VPS13B: variants seen among roughly 807,000 people sequenced by gnomAD.
The protein encoded by VPS13B is intermembrane lipid transfer protein VPS13B.
In VPS13B, 285 loss-of-function variants were observed where a neutral mutation model predicts 426.4. That is an observed-to-expected ratio of 0.67 (90% CI 0.61 to 0.74). VPS13B has a LOEUF of 0.74. VPS13B is among the 30% of genes least tolerant of loss of function. The probability of loss-of-function intolerance (pLI) is 0.00; values close to 1 mark genes in which losing one functional copy is unlikely to be tolerated. For missense variants in VPS13B, 4,537 were observed against 4,782.6 expected (o/e 0.95, Z 1.51); for synonymous variants, 1,676 against 1,676.4 (o/e 1.00, Z 0.01).
chr8:99,489,757 T>A (rs1249166850), intron 25 of VPS13B, among the ~76,000 whole-genome samples: 1 of 152,222 alleles, frequency 6.6e-6, no homozygotes, highest in Non-Finnish European at 1.5e-5. Flanking sequence ...TGATTTTGTA[T>A]CCTGAGACTT....
At chr8:99,093,917 A>G (rs900765805) in intron 3 of VPS13B, 2 of 152,150 alleles carry the variant, frequency 1.3e-5, no homozygotes, top group Middle Eastern at 6.3e-3. Context: ...CTCTGAATAG[A>G]CCTTTACTCA....
At chr8:99,021,773 C>T (rs753198418) in intron 2 of VPS13B, among the ~76,000 whole-genome samples, 1 of 152,104 alleles carries the variant, frequency 6.6e-6, no homozygotes, top group Non-Finnish European at 1.5e-5. Context: ...CCACCATGCC[C>T]GAATAATTTT....
chr8:99,806,614 C>G (rs570795330), intron 43 of VPS13B, among the ~76,000 whole-genome samples: 10 of 152,160 alleles, frequency 6.6e-5, no homozygotes, highest in Non-Finnish European at 1.5e-4. Flanking sequence ...CCTTATAGTA[C>G]TTGAGTAATG....
chr8:99,777,938 C>T (rs996744593), intron 41 of VPS13B, among the ~76,000 whole-genome samples: 1 of 152,006 alleles, frequency 6.6e-6, no homozygotes, highest in African/African-American at 2.4e-5. Flanking sequence ...CAGATTAAAA[C>T]CAAACACAGC....
chr8:99,840,788 A>C (rs1815643554), intron 54 of VPS13B, among the ~76,000 whole-genome samples: 1 of 152,210 alleles, frequency 6.6e-6, no homozygotes, highest in Non-Finnish European at 1.5e-5. Flanking sequence ...CTAAAGCTTA[A>C]AGCAGCAGGT....
intron 19 of VPS13B, among the ~76,000 whole-genome samples, chr8:99,307,985 T>G (rs1283065765): frequency 6.6e-6 from 1 of 152,102 alleles, no homozygotes; most frequent in Non-Finnish European, 1.5e-5. Flanking sequence ...ACTTTCTAAT[T>G]TCCTCCTTAA....
At chr8:99,028,315 G>C (rs1365015382) in intron 2 of VPS13B, among the ~76,000 whole-genome samples, 2 of 150,618 alleles carry the variant, frequency 1.3e-5, no homozygotes, top group African/African-American at 2.4e-5. Flanking sequence ...CTCACCTCCC[G>C]GACGGGGCGG....
At chr8:99,056,680 T>C (rs997597227) in intron 3 of VPS13B, among the ~76,000 whole-genome samples, 1 of 152,194 alleles carries the variant, frequency 6.6e-6, no homozygotes, top group Admixed American at 6.5e-5. Flanking sequence ...TTTCCTTCTA[T>C]TCCTCATCCT....
chr8:99,217,368 G>GT (rs1190604662), intron 17 of VPS13B, among the ~76,000 whole-genome samples: 3 of 152,152 alleles, frequency 2.0e-5, no homozygotes, highest in African/African-American at 7.2e-5. Flanking sequence ...GACACAGCAT[G>GT]TTTGAGTCTT....
At chr8:99,036,554 T>G (rs570048358) in intron 2 of VPS13B, among the ~76,000 whole-genome samples, 105 of 152,176 alleles carry the variant, frequency 6.9e-4, no homozygotes, top group Non-Finnish European at 1.3e-3. Flanking sequence ...TGAAACTATC[T>G]TGCTTATAGT....
intron 39 of VPS13B, among the ~76,000 whole-genome samples, chr8:99,741,187 A>G (rs1809702106): frequency 6.6e-6 from 1 of 152,330 alleles, no homozygotes; most frequent in South Asian, 2.1e-4. Context: ...GTCTCTGATA[A>G]AACAGACTTT....
intron 33 of VPS13B, among the ~76,000 whole-genome samples, chr8:99,626,866 A>C (rs910261760): frequency 6.6e-6 from 1 of 152,220 alleles, no homozygotes; most frequent in African/African-American, 2.4e-5. Context: ...CTAGGAGTCA[A>C]CCTAAGTGTT....
chr8:99,618,555 T>C (rs1563827918), intron 33 of VPS13B, among the ~76,000 whole-genome samples: 1 of 152,186 alleles, frequency 6.6e-6, no homozygotes, highest in Admixed American at 6.5e-5. Context: ...TTCATTACTA[T>C]ATGATCTTTG....
At chr8:99,446,829 C>T (rs551328704) in intron 23 of VPS13B, among the ~76,000 whole-genome samples, 2 of 152,158 alleles carry the variant, frequency 1.3e-5, no homozygotes, top group Non-Finnish European at 2.9e-5. Flanking sequence ...TCCCAGTACT[C>T]AGAAGATCTT....
At chr8:99,248,895 C>T (rs956456376) in intron 17 of VPS13B, among the ~76,000 whole-genome samples, 1 of 152,104 alleles carries the variant, frequency 6.6e-6, no homozygotes, top group Admixed American at 6.5e-5. Context: ...TATTAGGTGA[C>T]ATTTACATAC....
intron 36 of VPS13B, among the ~76,000 whole-genome samples, chr8:99,714,639 T>A (rs1563877983): frequency 7.9e-5 from 12 of 152,188 alleles, no homozygotes; most frequent in Admixed American, 7.9e-4. Flanking sequence ...AATATTGGTA[T>A]CACATACACC....
At chr8:99,298,198 A>G (rs1820147538) in intron 19 of VPS13B, among the ~76,000 whole-genome samples, 1 of 152,166 alleles carries the variant, frequency 6.6e-6, no homozygotes, top group Admixed American at 6.6e-5. Context: ...TAATTAATAT[A>G]CTTTTGTCGG....
intron 19 of VPS13B, among the ~76,000 whole-genome samples, chr8:99,305,391 A>G (rs1354694317): frequency 6.6e-6 from 1 of 152,152 alleles, no homozygotes; most frequent in Non-Finnish European, 1.5e-5. Context: ...TATAAAACCC[A>G]GAGATTATTT....
At position 99,791,720 on chromosome 8, in the gene VPS13B, T is replaced by TAA. The variant is rs1163608239; in HGVS notation, c.7941+7266_7941+7267dup. ...ACAGCAACACATTCTGAACAGAACT[T>TAA]AAAAAAAAAAAAAAAAAAAAAAACT... On this transcript the variant is annotated intron_variant, in intron 43 of 61. Coordinates refer to ENST00000357162, the MANE Select transcript of VPS13B (RefSeq NM_152564.5). 6.3e-3 allele frequency among the ~76,000 whole-genome samples: 571 copies of TAA among 90,016 alleles called. 8 individuals are homozygous for TAA. The highest frequency in any genetic ancestry group is 0.021 in the African/African-American group (514 of 24,694). 59.1% of individuals were successfully genotyped at this position (90,016 alleles called of 152,430 possible).
Sources: gnomAD v4.1 joint callset for allele counts (sites outside exome capture counted in the v4.1 genomes callset) on GRCh38, gnomAD v4.1.1 for gene constraint, MANE v1.5 for transcripts, NCBI Gene and HGNC (gene_info 2026-07-23, HGNC 2026-07-21) for gene names.